Variants in PSD3 observed in about 807,000 individuals in gnomAD.
The protein encoded by PSD3 is pleckstrin and Sec7 domain containing 3.
PSD3 carries 49 observed loss-of-function variants against 105.5 expected under a neutral mutation model. The ratio of observed to expected loss-of-function variants is 0.46; its 90% CI spans 0.37 to 0.59. PSD3 has a LOEUF of 0.59. Ranked by LOEUF, PSD3 falls within the 20% of genes least tolerant of loss-of-function variation. The pLI is 0.00. For missense variants in PSD3, 1,561 were observed against 1,263.8 expected, an observed-to-expected ratio of 1.24 and a Z score of -3.57; for synonymous variants, 557 against 457.8, an observed-to-expected ratio of 1.22 and a Z score of -2.77.
intron 2 of PSD3, among the ~76,000 whole-genome samples, chr8:18,884,648 C>A (rs1207241006): frequency 6.6e-6 from 1 of 152,218 alleles, no homozygotes; most frequent in East Asian, 1.9e-4. Context: ...CAGGAAAAGA[C>A]CTGCCAACCA....
At chr8:18,986,076 C>G (rs1825481625) in intron 1 of PSD3, among the ~76,000 whole-genome samples, 1 of 152,018 alleles carries the variant, frequency 6.6e-6, no homozygotes, top group South Asian at 2.1e-4. Flanking sequence ...AATGATGTAA[C>G]AAAACCTCAT....
intron 11 of PSD3, among the ~76,000 whole-genome samples, chr8:18,620,966 T>A (rs892715652): frequency 6.6e-6 from 1 of 152,110 alleles, no homozygotes; most frequent in Non-Finnish European, 1.5e-5. Flanking sequence ...ACAGAACGAG[T>A]CAGCAGTGAA....
intron 14 of PSD3, among the ~76,000 whole-genome samples, chr8:18,567,402 G>A (rs1322186777): frequency 2.0e-5 from 3 of 152,074 alleles, no homozygotes; most frequent in African/African-American, 7.2e-5. Context: ...GCAGAGAAAT[G>A]CATTTGCTTT....
At chr8:18,628,335 G>C (rs77620354) in intron 11 of PSD3, among the ~76,000 whole-genome samples, 2 of 151,954 alleles carry the variant, frequency 1.3e-5, no homozygotes, top group African/African-American at 2.4e-5. Context: ...AGCATTCATA[G>C]TAGCAGAAAA....
intron 15 of PSD3, among the ~76,000 whole-genome samples, chr8:18,538,519 C>T (rs541941316): frequency 3.9e-5 from 6 of 152,246 alleles, no homozygotes; most frequent in Non-Finnish European, 7.4e-5. Context: ...GAACTACCCC[C>T]AACAGAAACA....
At chr8:18,888,056 C>G (rs547504802) in intron 2 of PSD3, among the ~76,000 whole-genome samples, 1 of 152,252 alleles carries the variant, frequency 6.6e-6, no homozygotes, top group South Asian at 2.1e-4. Flanking sequence ...CCTCTAAAGT[C>G]CACCCTCCCT....
chr8:18,678,000 ACT>A (rs1436830183), intron 9 of PSD3, among the ~76,000 whole-genome samples: 2 of 108,066 alleles, frequency 1.9e-5, no homozygotes, highest in Admixed American at 2.1e-4. Flanking sequence ...GCAGAGCGAG[ACT>A]CTGTCTCAAA....
intron 2 of PSD3, among the ~76,000 whole-genome samples, chr8:18,920,078 G>C (rs1820907998): frequency 6.9e-6 from 1 of 145,348 alleles, no homozygotes; most frequent in African/African-American, 2.5e-5. Context: ...GAATTTCCTA[G>C]AGAACTACTA....
intron 9 of PSD3, among the ~76,000 whole-genome samples, chr8:18,672,664 A>T (rs1161325426): frequency 2.0e-5 from 3 of 152,246 alleles, no homozygotes; most frequent in African/African-American, 7.2e-5. Context: ...TTGCATAAAA[A>T]TAAGTTGCAT....
At chr8:18,539,606 G>A (rs1197557001) in intron 15 of PSD3, among the ~76,000 whole-genome samples, 6 of 149,122 alleles carry the variant, frequency 4.0e-5, no homozygotes, top group African/African-American at 9.9e-5. Flanking sequence ...GGAGGGCAGT[G>A]GCGCGATCTC....
chr8:18,662,914 G>A (rs2130879890), intron 9 of PSD3, among the ~76,000 whole-genome samples: 1 of 152,276 alleles, frequency 6.6e-6, no homozygotes, highest in East Asian at 1.9e-4. Context: ...AGAGGGAGTG[G>A]GAGCTACAGC....
chr8:19,031,570 T>A (rs899497903), intron 1 of PSD3, among the ~76,000 whole-genome samples: 2 of 152,040 alleles, frequency 1.3e-5, no homozygotes, highest in African/African-American at 4.8e-5. Flanking sequence ...GAAAAAAGTA[T>A]CAAACACATA....
intron 4 of PSD3, among the ~76,000 whole-genome samples, chr8:18,845,992 A>C (rs1248650796): frequency 1.3e-5 from 2 of 152,234 alleles, no homozygotes; most frequent in Non-Finnish European, 2.9e-5. Flanking sequence ...GAGCCTAGCG[A>C]AAGCATTCCA....
intron 6 of PSD3, 81 bp from the exon 7 acceptor site, chr8:18,801,463 T>G: frequency 1.3e-6 from 1 of 752,468 alleles, no homozygotes; most frequent in Non-Finnish European, 2.3e-6. Flanking sequence ...TCAATTTATA[T>G]AAACCTAAGA....
intron 2 of PSD3, among the ~76,000 whole-genome samples, chr8:18,877,484 T>C (rs1174441476): frequency 6.6e-6 from 1 of 151,940 alleles, no homozygotes; most frequent in Non-Finnish European, 1.5e-5. Flanking sequence ...CATATATTAA[T>C]ATATATGCAA....
At chr8:18,928,414 C>G in intron 2 of PSD3, among the ~76,000 whole-genome samples, 1 of 152,180 alleles carries the variant, frequency 6.6e-6, no homozygotes, top group Admixed American at 6.5e-5. Context: ...ATTACCCAGT[C>G]TCAGGTGTGT....
intron 1 of PSD3, among the ~76,000 whole-genome samples, chr8:18,949,245 ATATATAT>A (rs1399943916): frequency 5.7e-4 from 20 of 35,242 alleles, no homozygotes; most frequent in African/African-American, 2.2e-3. Context: ...AAAAAAAAAA[ATATATAT>A]ATATATATAT....
intron 9 of PSD3, among the ~76,000 whole-genome samples, chr8:18,671,787 A>G (rs994624311): frequency 1.3e-5 from 2 of 151,960 alleles, no homozygotes; most frequent in African/African-American, 4.8e-5. Flanking sequence ...GCCCGCCATG[A>G]CGTCCGGCTA....
At chr8:19,023,721 G>A (rs981219692) in intron 1 of PSD3, among the ~76,000 whole-genome samples, 2 of 152,140 alleles carry the variant, frequency 1.3e-5, no homozygotes, top group Non-Finnish European at 2.9e-5. Flanking sequence ...CCAGGCATGA[G>A]CCACTGAGAA....
Sources: gnomAD v4.1 joint callset for allele counts (sites outside exome capture counted in the v4.1 genomes callset) on GRCh38, gnomAD v4.1.1 for gene constraint, MANE v1.5 for transcripts, NCBI Gene and HGNC (gene_info 2026-07-23, HGNC 2026-07-21) for gene names.